The following PLEKHA7 variants were observed in gnomAD, a reference collection of about 807,000 sequenced individuals.
PLEKHA7 encodes the protein pleckstrin homology domain containing A7, also known as pleckstrin homology domain-containing family A member 7.
In PLEKHA7, 104 loss-of-function variants were observed where a neutral mutation model predicts 170.0. The observed-to-expected ratio is 0.61, with a 90% CI of 0.52 to 0.72. PLEKHA7 has a LOEUF of 0.72. Among genes scored for constraint, PLEKHA7 ranks in the 30% least tolerant of loss-of-function variants. The probability of loss-of-function intolerance (pLI) is 0.00; values close to 1 mark genes in which losing one functional copy is unlikely to be tolerated. For synonymous variants in PLEKHA7, 648 were observed against 660.8 expected, an observed-to-expected ratio of 0.98 and a Z score of 0.30; for missense variants, 1,615 against 1,671.7, an observed-to-expected ratio of 0.97 and a Z score of 0.59.
intron 3 of PLEKHA7, among the ~76,000 whole-genome samples, chr11:16,933,170 G>A (rs1163809124): frequency 1.3e-5 from 2 of 152,220 alleles, no homozygotes; most frequent in Non-Finnish European, 2.9e-5. Flanking sequence ...CTGTATGTAT[G>A]ATCTCCTTTA....
intron 17 of PLEKHA7, among the ~76,000 whole-genome samples, chr11:16,795,851 CTT>C (rs1179377641): frequency 8.6e-5 from 8 of 93,064 alleles, no homozygotes; most frequent in African/African-American, 1.2e-4. Flanking sequence ...CAGTTTTTTC[CTT>C]TTTTTTTTTT....
intron 10 of PLEKHA7, among the ~76,000 whole-genome samples, chr11:16,825,860 G>A (rs1850594587): frequency 6.6e-6 from 1 of 152,216 alleles, no homozygotes; most frequent in Non-Finnish European, 1.5e-5. Flanking sequence ...GGAGGCCTTG[G>A]AGGCTCACAG....
At chr11:16,892,152 A>C (rs565961467) in intron 3 of PLEKHA7, among the ~76,000 whole-genome samples, 2 of 152,338 alleles carry the variant, frequency 1.3e-5, no homozygotes, top group African/African-American at 2.4e-5. Context: ...CAATCTGCCA[A>C]GATGACCTTA....
chr11:16,998,419 A>G (rs566031154), intron 3 of PLEKHA7, among the ~76,000 whole-genome samples: 69 of 152,318 alleles, frequency 4.5e-4, no homozygotes, highest in African/African-American at 1.6e-3. Context: ...TTACCCCACA[A>G]TTCTTACATC....
chr11:16,988,611 T>C (rs1052699858), intron 3 of PLEKHA7, among the ~76,000 whole-genome samples: 3 of 151,986 alleles, frequency 2.0e-5, no homozygotes, highest in Admixed American at 2.0e-4. Flanking sequence ...CATGCCCAGC[T>C]AATTTTTTGT....
intron 3 of PLEKHA7, among the ~76,000 whole-genome samples, chr11:16,957,116 GA>G (rs1375463178): frequency 6.6e-6 from 1 of 152,046 alleles, no homozygotes; most frequent in Non-Finnish European, 1.5e-5. Flanking sequence ...TTCAAGGGAA[GA>G]AAAAACTAAC....
chr11:16,866,859 G>A (rs143547356), intron 4 of PLEKHA7, among the ~76,000 whole-genome samples: 10 of 152,172 alleles, frequency 6.6e-5, no homozygotes, highest in East Asian at 3.9e-4. Flanking sequence ...AGAAACCATC[G>A]TTTGGAGGGG....
At chr11:16,888,749 C>A (rs950768750) in intron 3 of PLEKHA7, among the ~76,000 whole-genome samples, 2 of 152,126 alleles carry the variant, frequency 1.3e-5, no homozygotes, top group African/African-American at 2.4e-5. Flanking sequence ...ACCAGAGACC[C>A]TTGTTCACTT....
At chr11:16,919,114 T>A (rs1165595690) in intron 3 of PLEKHA7, among the ~76,000 whole-genome samples, 1 of 152,140 alleles carries the variant, frequency 6.6e-6, no homozygotes, top group Non-Finnish European at 1.5e-5. Context: ...CCTGGGAGGC[T>A]GAGGCAGGAG....
intron 9 of PLEKHA7, among the ~76,000 whole-genome samples, chr11:16,828,381 C>T (rs933483017): frequency 1.3e-5 from 2 of 152,174 alleles, no homozygotes; most frequent in African/African-American, 4.8e-5. Flanking sequence ...GCTTTCCCTT[C>T]CACCATGATT....
chr11:16,805,045 A>T (rs1848860296), intron 13 of PLEKHA7, among the ~76,000 whole-genome samples: 1 of 152,212 alleles, frequency 6.6e-6, no homozygotes, highest in South Asian at 2.1e-4. Flanking sequence ...GCTCTATGCC[A>T]TCGTCCTTTC....
intron 13 of PLEKHA7, among the ~76,000 whole-genome samples, chr11:16,808,659 C>A (rs1412563509): frequency 1.3e-5 from 2 of 152,188 alleles, no homozygotes; most frequent in South Asian, 2.1e-4. Context: ...CTGACTGCAA[C>A]CTTTTCTATC....
At chr11:16,783,114 C>T (rs74848633) in intron 25 of PLEKHA7, among the ~76,000 whole-genome samples, 2,822 of 152,340 alleles carry the variant, frequency 0.019, 81 homozygotes, top group African/African-American at 0.063. Context: ...CTTAAGTTCA[C>T]GGCTCTAGCT....
At chr11:16,845,121 T>A (rs1852285249) in intron 8 of PLEKHA7, among the ~76,000 whole-genome samples, 1 of 152,104 alleles carries the variant, frequency 6.6e-6, no homozygotes, top group African/African-American at 2.4e-5. Context: ...TAGGTAGCCA[T>A]TTAAGTAATA....
intron 24 of PLEKHA7, among the ~76,000 whole-genome samples, chr11:16,785,413 C>A (rs1304433321): frequency 1.3e-5 from 2 of 152,236 alleles, no homozygotes; most frequent in African/African-American, 2.4e-5. Context: ...ATTCATTCAA[C>A]ACAGTCAAAG....
intron 3 of PLEKHA7, among the ~76,000 whole-genome samples, chr11:16,915,632 G>A (rs1232968537): frequency 1.3e-4 from 20 of 149,124 alleles, no homozygotes; most frequent in Non-Finnish European, 1.8e-4. Context: ...TTGTTCTTGC[G>A]ATAGTTTACT....
Position 16,783,788 on chromosome 11 carries a change from G to A in PLEKHA7, c.3562C>T (p.Leu1188=), listed in dbSNP as rs777995688. ...AGGCTGGGTGGCTCTTCGGGATCTA[G>A]CTCCACGTAGCGCTCAGGGATTGAC... ...KVSIPERYVE[L]DPEEPPSLEE... Residue 1188 remains leucine, a synonymous_variant, in exon 25 of 27, where the codon CTA becomes TTA. Transcript: ENST00000531066. The A allele has an allele frequency of 1.3e-6, 2 of 1,513,760 alleles. No individual in the cohort carries two copies. Among genetic ancestry groups the A allele is most frequent in the South Asian group, 2.5e-5 (2 of 80,750 alleles). The allele number at this position is 1,513,760 out of a possible 1,614,324, so 93.8% of individuals were successfully genotyped here.
chr11:16,855,943 T>A, intron 4 of PLEKHA7, 29 bp from the exon 5 acceptor site: 1 of 1,557,914 alleles, frequency 6.4e-7, no homozygotes, highest in Non-Finnish European at 8.9e-7. Context: ...TTCCAGTGAG[T>A]AAAAGCCGAG....
rs183247816 is a variant in PLEKHA7 at position 16,867,239 on chromosome 11, G to A, written c.305+3860C>T. On this transcript the variant is annotated intron_variant, in intron 4 of 26. Coordinates refer to ENST00000531066, the MANE Select transcript of PLEKHA7 (RefSeq NM_001329630.2). ...AGGCTTGTGAAAACACAGATTGCTG[G>A]GGCCTACCTCTAGAGTCTCTGATTC... Among the ~76,000 whole-genome samples the A allele has an allele frequency of 2.6e-5, 4 of 152,280 alleles. No homozygotes were observed. In the East Asian group the frequency reaches 5.8e-4, roughly 22 times the overall value.
Sources: allele counts gnomAD v4.1 joint callset (sites outside exome capture counted in the v4.1 genomes callset), GRCh38; gene constraint gnomAD v4.1.1; transcripts MANE v1.5; gene names NCBI Gene and HGNC (gene_info 2026-07-23, HGNC 2026-07-21).